The following PITPNM2 variants were observed in gnomAD, a reference collection of about 807,000 sequenced individuals.
PITPNM2 encodes phosphatidylinositol transfer protein membrane associated 2, also known as membrane-associated phosphatidylinositol transfer protein 2.
PITPNM2 carries 35 observed loss-of-function variants against 132.2 expected under a neutral mutation model. That is an observed-to-expected ratio of 0.26 (90% CI 0.20 to 0.35). The LOEUF (loss-of-function observed/expected upper bound fraction) is 0.35, where lower values mean the gene tolerates loss of function less well. Among genes scored for constraint, PITPNM2 ranks in the 10% least tolerant of loss-of-function variants. PITPNM2 has a pLI of 1.00. For missense variants in PITPNM2, 1,332 were observed against 1,912.0 expected, an observed-to-expected ratio of 0.70 and a Z score of 5.66; for synonymous variants, 738 against 799.2, an observed-to-expected ratio of 0.92 and a Z score of 1.29.
chr12:123,133,625 T>C (rs1393386513), intron 1 of PITPNM2, among the ~76,000 whole-genome samples: 4 of 152,324 alleles, frequency 2.6e-5, no homozygotes, highest in East Asian at 3.9e-4. Flanking sequence ...AAATCTTCCA[T>C]GATAATGTTT....
chr12:123,105,935 G>A (rs1013947652), intron 2 of PITPNM2, among the ~76,000 whole-genome samples: 5 of 152,132 alleles, frequency 3.3e-5, no homozygotes, highest in Admixed American at 2.6e-4. Context: ...CAGGGCACCC[G>A]GCCTCACATG....
intron 2 of PITPNM2, among the ~76,000 whole-genome samples, chr12:123,038,963 A>C (rs1487691399): frequency 2.0e-5 from 3 of 151,944 alleles, no homozygotes; most frequent in Non-Finnish European, 4.4e-5. Flanking sequence ...AAAAAAAATT[A>C]GCTGGGCAAG....
At chr12:122,997,182 G>T in intron 11 of PITPNM2, 143 bp downstream of exon 11, 1 of 1,275,076 alleles carries the variant, frequency 7.8e-7, no homozygotes, top group Non-Finnish European at 1.1e-6. Flanking sequence ...GTATACGTTT[G>T]GGCACCTCCA....
Position 123,117,591 on chromosome 12 carries a change from G to A in PITPNM2, c.-199-7103C>T, listed in dbSNP as rs1477018853. The stretch of plus-strand genomic sequence containing the variant: ...CAACATTCTACAATCCTATGATTTG[G>A]ACAGAAGGGAATACTGACCTGTAAT... On this transcript the variant is annotated intron_variant, in intron 1 of 25. Coordinates refer to ENST00000320201, the MANE Select transcript of PITPNM2 (RefSeq NM_020845.3). The surrounding 1 kb of genome is among the most constrained non-coding windows in gnomAD (Gnocchi z 4.7). Among the ~76,000 whole-genome samples, 3 of 152,124 alleles carry A rather than the reference G, an allele frequency of 2.0e-5. No homozygotes were observed. The highest frequency in any genetic ancestry group is 4.4e-5 in the Non-Finnish European group (3 of 68,032).
chr12:123,003,061 G>C (rs1380500725), intron 8 of PITPNM2, among the ~76,000 whole-genome samples: 2 of 152,154 alleles, frequency 1.3e-5, no homozygotes. Flanking sequence ...GTTAACTCTA[G>C]TCATCCAGCA....
chr12:123,004,532 G>C lies in PITPNM2; in HGVS notation c.953-43C>G. 1 of 1,600,410 alleles carries C rather than the reference G, an allele frequency of 6.2e-7. No homozygotes were observed. On this transcript the variant is annotated intron_variant, in intron 7 of 25. Transcript: ENST00000320201. This position sits in a 1 kb window ranked among gnomAD's most constrained non-coding sequence, Gnocchi z 4.9. Reference sequence around the variant, plus strand: ...AGATTGACCGCCAACTGGAGAGGAAGGGCCCAGAGGCTGCCCTGAGCCGGC... The same window carrying C: ...AGATTGACCGCCAACTGGAGAGGAACGGCCCAGAGGCTGCCCTGAGCCGGC...
rs1189187624 is a variant in PITPNM2, at chr12:122,984,818, G to A, written c.*1209C>T. Reference sequence around the variant, plus strand: ...CCGGAGCTGGCCGTTGAGCGCCACAGCCAAGGTCACGCTTGGTGCTGGGGA... The same window carrying A: ...CCGGAGCTGGCCGTTGAGCGCCACAACCAAGGTCACGCTTGGTGCTGGGGA... On this transcript the variant is annotated 3_prime_UTR_variant, in exon 26 of 26. Transcript: ENST00000320201. The A allele has an allele frequency of 6.6e-6, 1 of 152,334 alleles. No homozygotes were observed. Among genetic ancestry groups the A allele is most frequent in the Non-Finnish European group, 1.5e-5 (1 of 68,094 alleles). The allele number at this position is 152,334 out of a possible 1,614,324, so 9.4% of individuals were successfully genotyped here.
chr12:123,013,989 C>G lies in PITPNM2; in HGVS notation c.132G>C (p.Glu44Asp). 6.2e-7 allele frequency: 1 copy of G among 1,614,280 alleles called. No individual in the cohort carries two copies. The highest frequency in any genetic ancestry group is 8.5e-7 in the Non-Finnish European group (1 of 1,180,048). Residue 44 changes from glutamate to aspartate, a missense_variant, in exon 4 of 26, where the codon GAG (glutamate) becomes GAC (aspartate). Physicochemically the swap from Glu to Asp is conservative, Grantham distance 45. This residue lies in a region of PITPNM2 where 83 missense variants were observed against 118.7 expected (regional missense o/e 0.70). Coordinates refer to ENST00000320201, the MANE Select transcript of PITPNM2 (RefSeq NM_020845.3). ...YGEGSGVEILENRPYTDGPGG... is the reference protein window; with the variant it reads ...YGEGSGVEILDNRPYTDGPGG... ...CTGGGCCATCTGTGTACGGCCGGTT[C>G]TCCAGGATCTCCACGCCGCTGCCTT...
intron 3 of PITPNM2, among the ~76,000 whole-genome samples, chr12:123,028,034 G>T (rs763182700): frequency 2.6e-5 from 4 of 152,242 alleles, no homozygotes. Context: ...GACAGCGGCA[G>T]TTGGACAGCA....
At chr12:122,988,177 A>G (rs1291536315) in intron 20 of PITPNM2, 57 bp downstream of exon 20, 1 of 1,439,084 alleles carries the variant, frequency 6.9e-7, no homozygotes, top group East Asian at 2.3e-5. Context: ...TCATCTGGAC[A>G]CGGAGGCTGG....
At chr12:123,141,836 G>A (rs540320553) in intron 1 of PITPNM2, among the ~76,000 whole-genome samples, 2 of 152,248 alleles carry the variant, frequency 1.3e-5, no homozygotes, top group African/African-American at 2.4e-5. Context: ...TGATCTCAGG[G>A]TTTCAGGGAA....
chr12:123,069,341 G>A lies in PITPNM2; in HGVS notation c.-95-34656C>T, dbSNP rs181019244. ...CTGTGTGAGAGGCCTCAGAACCTGC[G>A]TTTTAAACACATCTCCTGAGGTTAT... is the stretch of plus-strand genomic sequence containing the variant. On this transcript the variant is annotated intron_variant, in intron 2 of 25. Coordinates refer to ENST00000320201, the MANE Select transcript of PITPNM2 (RefSeq NM_020845.3). Among the ~76,000 whole-genome samples, 17 of 152,186 alleles carry A rather than the reference G, an allele frequency of 1.1e-4. 1 individual carries two copies. The highest frequency in any genetic ancestry group is 6.8e-3 in the Middle Eastern group (2 of 292).
At chr12:123,067,876 G>A (rs2041480680) in intron 2 of PITPNM2, among the ~76,000 whole-genome samples, 1 of 152,184 alleles carries the variant, frequency 6.6e-6, no homozygotes, top group Non-Finnish European at 1.5e-5. Context: ...CAGGAGAACA[G>A]CCAATGGGTC....
At position 123,082,320 on chromosome 12, in the gene PITPNM2, C is replaced by A. The variant is rs2041987090; in HGVS notation, c.-96+28065G>T. 6.6e-6 allele frequency among the ~76,000 whole-genome samples: 1 copy of A among 152,340 alleles called. No individual in the cohort carries two copies. The highest frequency in any genetic ancestry group is 1.5e-5 in the Non-Finnish European group (1 of 68,038). On this transcript the variant is annotated intron_variant, in intron 2 of 25. Coordinates refer to ENST00000320201, the MANE Select transcript of PITPNM2 (RefSeq NM_020845.3). The surrounding 1 kb of genome is among the most constrained non-coding windows in gnomAD (Gnocchi z 5.4). ...GGCCCTGACTCTAACCCTGGCATTC[C>A]TCTGACCCTTTCTAATTTTCTTCAG...
chr12:123,146,087 T>A (rs1027017529), intron 1 of PITPNM2, among the ~76,000 whole-genome samples: 2 of 151,986 alleles, frequency 1.3e-5, no homozygotes, highest in African/African-American at 4.8e-5. Context: ...TTCTTACTTA[T>A]AAGTGGGAGC....
chr12:123,062,315 G>C (rs2041267411), intron 2 of PITPNM2, among the ~76,000 whole-genome samples: 1 of 152,126 alleles, frequency 6.6e-6, no homozygotes, highest in South Asian at 2.1e-4. Context: ...AATACGTCCA[G>C]TGAGGGGGTA....
chr12:123,093,700 G>C (rs1422498150), intron 2 of PITPNM2, among the ~76,000 whole-genome samples: 1 of 152,222 alleles, frequency 6.6e-6, no homozygotes, highest in South Asian at 2.1e-4. Flanking sequence ...CAAACTCTGA[G>C]GATGGAGCTA....
Position 122,985,634 on chromosome 12 carries a change from A to C in PITPNM2, c.*393T>G. The C allele has an allele frequency of 5.0e-6, 1 of 198,346 alleles. No homozygotes were observed. The allele number at this position is 198,346 out of a possible 1,614,324, so 12.3% of individuals were successfully genotyped here. On this transcript the variant is annotated 3_prime_UTR_variant, in exon 26 of 26. Transcript: ENST00000320201. ...AGGCTGGACCCCTGTTGGAGCTGCT[A>C]CCAAATGGGAGGGGACCTGGGAGTG...
chr12:123,106,988 A>C lies in PITPNM2; in HGVS notation c.-96+3397T>G, dbSNP rs373413763. 8.6e-4 allele frequency among the ~76,000 whole-genome samples: 131 copies of C among 152,190 alleles called. No homozygotes were observed. The highest frequency in any genetic ancestry group is 1.4e-3 in the Non-Finnish European group (96 of 67,998). On this transcript the variant is annotated intron_variant, in intron 2 of 25. Transcript: ENST00000320201. This position sits in a 1 kb window ranked among gnomAD's most constrained non-coding sequence, Gnocchi z 4.4. ...AGGGCTCTGCTGCTGCTACGGATGG[A>C]GATAAGTCCCTTCTTCACCTGGGAT...
Sources: allele counts gnomAD v4.1 joint callset (sites outside exome capture counted in the v4.1 genomes callset), GRCh38; gene constraint gnomAD v4.1.1; regional missense constraint gnomAD v4.1.1; non-coding constraint Gnocchi (gnomAD v3.1); transcripts MANE v1.5; gene names NCBI Gene and HGNC (gene_info 2026-07-23, HGNC 2026-07-21).